Variants in TRHDE observed in about 807,000 individuals in gnomAD.
The protein encoded by TRHDE is thyrotropin-releasing hormone-degrading ectoenzyme.
TRHDE carries 72 observed loss-of-function variants against 125.7 expected under a neutral mutation model. That is an observed-to-expected ratio of 0.57 (90% CI 0.47 to 0.70). TRHDE has a LOEUF of 0.70. Among genes scored for constraint, TRHDE ranks in the 30% least tolerant of loss-of-function variants. The pLI, the probability that TRHDE is intolerant of heterozygous loss-of-function variation, is 0.00. For missense variants in TRHDE, 1,110 were observed against 1,327.1 expected, an observed-to-expected ratio of 0.84 and a Z score of 2.54; for synonymous variants, 509 against 509.1, an observed-to-expected ratio of 1.00 and a Z score of 0.00.
At chr12:72,614,906 C>T (rs1872759224) in intron 12 of TRHDE, among the ~76,000 whole-genome samples, 1 of 152,108 alleles carries the variant, frequency 6.6e-6, no homozygotes, top group Non-Finnish European at 1.5e-5. Context: ...CATCAGCTAA[C>T]ATAGTCTGGT....
At chr12:72,479,198 G>A (rs1877043007) in intron 5 of TRHDE, among the ~76,000 whole-genome samples, 1 of 152,090 alleles carries the variant, frequency 6.6e-6, no homozygotes, top group Admixed American at 6.6e-5. Flanking sequence ...TAGAAATTGT[G>A]TAGCACAGAT....
intron 3 of TRHDE, among the ~76,000 whole-genome samples, chr12:72,458,749 T>G (rs1221431746): frequency 6.6e-6 from 1 of 152,150 alleles, no homozygotes; most frequent in Non-Finnish European, 1.5e-5. Flanking sequence ...CTTCTTTGCC[T>G]ATGCTACCTC....
At chr12:72,520,289 C>G (rs900193280) in intron 6 of TRHDE, among the ~76,000 whole-genome samples, 6 of 152,266 alleles carry the variant, frequency 3.9e-5, no homozygotes, top group African/African-American at 1.4e-4. Context: ...TAGCAATCAG[C>G]GAGACTCCGT....
chr12:72,125,226 C>A (rs1008547424), intron 2 of TRHDE, among the ~76,000 whole-genome samples: 1 of 151,942 alleles, frequency 6.6e-6, no homozygotes, highest in Non-Finnish European at 1.5e-5. Flanking sequence ...TCTCTGGAAT[C>A]GTTTTGTATA....
At chr12:72,321,176 C>A (rs1464937189) in intron 2 of TRHDE, among the ~76,000 whole-genome samples, 5 of 152,004 alleles carry the variant, frequency 3.3e-5, no homozygotes, top group African/African-American at 1.2e-4. Flanking sequence ...TTTAATTTTA[C>A]AAGAGCAAAA....
intron 1 of TRHDE, among the ~76,000 whole-genome samples, chr12:72,100,865 T>C (rs1470790517): frequency 6.6e-6 from 1 of 152,180 alleles, no homozygotes; most frequent in African/African-American, 2.4e-5. Context: ...TGATGAAAGC[T>C]AAGTCCTTAA....
chr12:72,092,917 C>A (rs1874825881), intron 1 of TRHDE, among the ~76,000 whole-genome samples: 1 of 152,136 alleles, frequency 6.6e-6, no homozygotes, highest in South Asian at 2.1e-4. Flanking sequence ...GGAAACTCAC[C>A]ATCTTAGCCT....
chr12:72,135,206 GGAATGA>G (rs1334146294), intron 2 of TRHDE, among the ~76,000 whole-genome samples: 2 of 152,130 alleles, frequency 1.3e-5, no homozygotes, highest in Non-Finnish European at 2.9e-5. Context: ...AGGCGTAATC[GGAATGA>G]CCAGGTCTCC....
intron 2 of TRHDE, among the ~76,000 whole-genome samples, chr12:72,182,625 T>G (rs1877116775): frequency 6.6e-6 from 1 of 152,148 alleles, no homozygotes; most frequent in Admixed American, 6.6e-5. Flanking sequence ...AGGATAAGCA[T>G]TCTGTACAGC....
chr12:72,414,204 G>T (rs1454295833), intron 3 of TRHDE, among the ~76,000 whole-genome samples: 1 of 152,068 alleles, frequency 6.6e-6, no homozygotes, highest in African/African-American at 2.4e-5. Flanking sequence ...TATGACCGGG[G>T]TCAAATTTTA....
intron 3 of TRHDE, among the ~76,000 whole-genome samples, chr12:72,467,739 C>T (rs181974830): frequency 3.4e-3 from 514 of 152,230 alleles, no homozygotes; most frequent in Admixed American, 6.2e-3. Flanking sequence ...CGCTTGAACC[C>T]GGGAGGCGGA....
chr12:72,477,757 T>C (rs574194853), intron 5 of TRHDE, among the ~76,000 whole-genome samples: 14 of 152,328 alleles, frequency 9.2e-5, no homozygotes, highest in African/African-American at 3.4e-4. Flanking sequence ...CTTATTAAAA[T>C]ACTGCAATGG....
intron 2 of TRHDE, among the ~76,000 whole-genome samples, chr12:72,197,209 C>T (rs1331293655): frequency 6.6e-6 from 1 of 152,078 alleles, no homozygotes; most frequent in Non-Finnish European, 1.5e-5. Context: ...CTTATACATG[C>T]TCATGGCGTG....
At chr12:72,587,049 A>T (rs1871470241) in intron 12 of TRHDE, among the ~76,000 whole-genome samples, 2 of 152,166 alleles carry the variant, frequency 1.3e-5, no homozygotes, top group East Asian at 1.9e-4. Flanking sequence ...AATATAAAAA[A>T]GTTAATTGTG....
chr12:72,371,396 T>A (rs999138784), intron 2 of TRHDE, among the ~76,000 whole-genome samples: 1 of 147,444 alleles, frequency 6.8e-6, no homozygotes, highest in Non-Finnish European at 1.5e-5. Context: ...TTATTTATTT[T>A]TATTATTATT....
chr12:72,113,416 G>A (rs1875367673), intron 2 of TRHDE, among the ~76,000 whole-genome samples: 1 of 151,666 alleles, frequency 6.6e-6, no homozygotes, highest in Admixed American at 6.6e-5. Flanking sequence ...CTTGAGGTCA[G>A]GAGTTCGAGA....
chr12:72,302,551 G>A (rs958538432), intron 2 of TRHDE, among the ~76,000 whole-genome samples: 1 of 152,022 alleles, frequency 6.6e-6, no homozygotes, highest in Non-Finnish European at 1.5e-5. Context: ...ATCTATAGAT[G>A]AGGAAATGGA....
chr12:72,140,687 T>A (rs960473666), intron 2 of TRHDE, among the ~76,000 whole-genome samples: 5 of 152,208 alleles, frequency 3.3e-5, no homozygotes, highest in Non-Finnish European at 7.3e-5. Flanking sequence ...AGCCATAATA[T>A]GAGTGGCAGA....
At chr12:72,265,126 T>TA (rs147006670) in intron 2 of TRHDE, among the ~76,000 whole-genome samples, 3,607 of 146,172 alleles carry the variant, frequency 0.025, 152 homozygotes, top group African/African-American at 0.086. Context: ...AATACAAATG[T>TA]AAAAAAAAAA....
Sources: allele counts gnomAD v4.1 joint callset (sites outside exome capture counted in the v4.1 genomes callset), GRCh38; gene constraint gnomAD v4.1.1; transcripts MANE v1.5; gene names NCBI Gene and HGNC (gene_info 2026-07-23, HGNC 2026-07-21).